MCPH1: variants seen among roughly 807,000 people sequenced by gnomAD.
The protein encoded by MCPH1 is microcephalin.
In MCPH1, 104 loss-of-function variants were observed where a neutral mutation model predicts 84.5. That is an observed-to-expected ratio of 1.23 (90% confidence interval 1.05 to 1.45). MCPH1 has a LOEUF of 1.45. MCPH1 is among the 40% of genes most tolerant of loss of function. MCPH1 has a pLI of 0.00. For synonymous variants in MCPH1, 514 were observed against 366.8 expected, an observed-to-expected ratio of 1.40 and a Z score of -4.58; for missense variants, 1,498 against 1,005.7, an observed-to-expected ratio of 1.49 and a Z score of -6.62.
At chr8:6,617,900 A>AATTAATCTATCTATCTATCT in intron 12 of MCPH1, among the ~76,000 whole-genome samples, 1 of 143,014 alleles carries the variant, frequency 7.0e-6, no homozygotes, top group Non-Finnish European at 1.5e-5. Context: ...CTATCTATCT[A>AATTAATCTATCTATCTATCT]ATCTATCTAT....
At chr8:6,522,996 G>T (rs573256318) in intron 12 of MCPH1, among the ~76,000 whole-genome samples, 1 of 147,050 alleles carries the variant, frequency 6.8e-6, no homozygotes, top group Non-Finnish European at 1.5e-5. Flanking sequence ...CCCTTGAAAA[G>T]TTTTTTTTTT....
At chr8:6,562,757 A>C (rs2129575926) in intron 12 of MCPH1, 1 of 1,613,836 alleles carries the variant, frequency 6.2e-7, no homozygotes, top group African/African-American at 1.3e-5. Flanking sequence ...TTGGACACGT[A>C]GGGGCTGGAG....
intron 13 of MCPH1, among the ~76,000 whole-genome samples, chr8:6,640,100 G>A (rs916408060): frequency 1.7e-4 from 23 of 133,128 alleles, no homozygotes; most frequent in South Asian, 7.6e-4. Flanking sequence ...GTGTGTGTGC[G>A]CGCGCGTGTG....
intron 12 of MCPH1, among the ~76,000 whole-genome samples, chr8:6,607,108 C>T (rs749340360): frequency 3.3e-5 from 5 of 152,202 alleles, no homozygotes; most frequent in Non-Finnish European, 4.4e-5. Context: ...TTCAGAAAAT[C>T]GCAAAAGCAG....
chr8:6,555,347 C>T (rs10217046), intron 12 of MCPH1, among the ~76,000 whole-genome samples: 4,804 of 152,224 alleles, frequency 0.032, 163 homozygotes, highest in African/African-American at 0.082. Context: ...TGAAATCCAG[C>T]GTTTCCCCCT....
intron 12 of MCPH1, chr8:6,616,327 G>A (rs1242434238): frequency 2.0e-5 from 3 of 152,286 alleles, no homozygotes; most frequent in Non-Finnish European, 1.5e-5. Flanking sequence ...TAAATGAACC[G>A]TCAGCCACCC....
intron 13 of MCPH1, chr8:6,626,135 G>T (rs936953269): frequency 1.6e-5 from 16 of 985,238 alleles, no homozygotes; most frequent in East Asian, 2.3e-4. Flanking sequence ...TATTTTACTT[G>T]TAAGAATTTC....
At chr8:6,557,938 T>C (rs1038710338) in intron 12 of MCPH1, among the ~76,000 whole-genome samples, 3 of 152,180 alleles carry the variant, frequency 2.0e-5, no homozygotes, top group Non-Finnish European at 4.4e-5. Context: ...CCTCCTTTCT[T>C]CCCTGTCAAA....
At chr8:6,632,612 A>G (rs964881688) in intron 13 of MCPH1, among the ~76,000 whole-genome samples, 7 of 152,186 alleles carry the variant, frequency 4.6e-5, no homozygotes, top group African/African-American at 1.4e-4. Flanking sequence ...GATCGAGACC[A>G]TCCTGGCTAA....
At chr8:6,584,867 A>G (rs1158463673) in intron 12 of MCPH1, among the ~76,000 whole-genome samples, 1 of 152,240 alleles carries the variant, frequency 6.6e-6, no homozygotes, top group Non-Finnish European at 1.5e-5. Context: ...CAGTTACCCC[A>G]TATTTGATTA....
chr8:6,621,385 A>G, intron 12 of MCPH1, 69 bp from the exon 13 acceptor site: 2 of 1,582,548 alleles, frequency 1.3e-6, no homozygotes, highest in Non-Finnish European at 1.7e-6. Context: ...GTAAACTGCA[A>G]CAGTTCGCCT....
rs543390693 is a variant in MCPH1 at position 6,445,080 on chromosome 8, C to A, written c.1358C>A (p.Thr453Lys). 6.2e-7 allele frequency: 1 copy of A among 1,614,250 alleles called. No individual in the cohort carries two copies. ...AGAAGTCTTTCTAAGAAGGAGAGAA[C>A]AAGCATATTTGAAATGTCTGATTTT... The part of the protein sequence containing the change: ...SCRSLSKKER[T>K]SIFEMSDFSC... Residue 453 changes from threonine (T) to lysine (K), a missense_variant, in exon 8 of 14, where the codon ACA (threonine) becomes AAA (lysine). Transcript: ENST00000344683.
rs10708602 is a variant in MCPH1, at chr8:6,551,229, A to AT, written c.2214+51310dup. ...AAGCTGAGAGGGCTGCTTATTCGTG[A>AT]TTTTTTTTTTCTTCTTTCTCATGCA... On this transcript the variant is annotated intron_variant, in intron 12 of 13. Transcript: ENST00000344683. Among the ~76,000 whole-genome samples the AT allele has an allele frequency of 1.7e-4, 26 of 150,414 alleles. 1 individual carries two copies. Among genetic ancestry groups the AT allele is most frequent in the East Asian group, 1.2e-3 (6 of 5,110 alleles).
At chr8:6,612,349 C>T (rs994049507) in intron 12 of MCPH1, among the ~76,000 whole-genome samples, 1 of 152,212 alleles carries the variant, frequency 6.6e-6, no homozygotes, top group Admixed American at 6.5e-5. Context: ...CAGCCCACTT[C>T]CCGGGCGTGA....
chr8:6,541,025 G>A (rs985742635), intron 12 of MCPH1, among the ~76,000 whole-genome samples: 3 of 127,758 alleles, frequency 2.3e-5, no homozygotes, highest in South Asian at 2.7e-4. Context: ...CTGTGCTTGC[G>A]AGAGTGCCGA....
chr8:6,642,635 G>C (rs1335428322), intron 13 of MCPH1: 1 of 388,728 alleles, frequency 2.6e-6, no homozygotes, highest in Non-Finnish European at 4.9e-6. Context: ...AAGAGTACTG[G>C]AAGTGGTGAG....
At chr8:6,525,766 C>A (rs575600967) in intron 12 of MCPH1, among the ~76,000 whole-genome samples, 1 of 152,064 alleles carries the variant, frequency 6.6e-6, no homozygotes, top group South Asian at 2.1e-4. Flanking sequence ...ATGAAAAAAA[C>A]CTTTTTATTT....
chr8:6,428,620 G>A (rs1202037674), intron 3 of MCPH1, among the ~76,000 whole-genome samples: 2 of 152,102 alleles, frequency 1.3e-5, no homozygotes, highest in Non-Finnish European at 2.9e-5. Context: ...TATGATATAC[G>A]GCCTTCATGT....
At chr8:6,557,487 T>C (rs865826803) in intron 12 of MCPH1, among the ~76,000 whole-genome samples, 1 of 152,102 alleles carries the variant, frequency 6.6e-6, no homozygotes, top group African/African-American at 2.4e-5. Context: ...AATTCTAGAA[T>C]AATTTAGGAG....
Sources: gnomAD v4.1 joint callset for allele counts (sites outside exome capture counted in the v4.1 genomes callset) on GRCh38, gnomAD v4.1.1 for gene constraint, MANE v1.5 for transcripts, NCBI Gene and HGNC (gene_info 2026-07-23, HGNC 2026-07-21) for gene names.